MACROD2: variants seen among roughly 807,000 people sequenced by gnomAD.
MACROD2 encodes the protein mono-ADP ribosylhydrolase 2.
A neutral mutation model predicts 70.4 loss-of-function variants in MACROD2; 36 were observed. The observed-to-expected ratio is 0.51, with a 90% CI of 0.39 to 0.68. The LOEUF (loss-of-function observed/expected upper bound fraction) is 0.68. Ranked by LOEUF, MACROD2 falls within the 30% of genes least tolerant of loss-of-function variation. MACROD2 has a pLI of 0.00. For missense variants in MACROD2, 496 were observed against 538.4 expected, an observed-to-expected ratio of 0.92 and a Z score of 0.78; for synonymous variants, 172 against 178.8, an observed-to-expected ratio of 0.96 and a Z score of 0.30.
At chr20:14,511,683 A>AAG (rs10667451) in intron 4 of MACROD2, among the ~76,000 whole-genome samples, 124,540 of 151,770 alleles carry the variant, frequency 0.82, 51,513 homozygotes, top group East Asian at 1. Context: ...GTTTAGGAAA[A>AAG]GACAACCCTA....
At chr20:14,462,304 A>G (rs1248017345) in intron 3 of MACROD2, among the ~76,000 whole-genome samples, 1 of 151,928 alleles carries the variant, frequency 6.6e-6, no homozygotes, top group African/African-American at 2.4e-5. Flanking sequence ...GCATTTTTTC[A>G]TGTGTTTTTT....
chr20:14,752,195 G>T (rs1047134543), intron 5 of MACROD2, among the ~76,000 whole-genome samples: 1 of 149,586 alleles, frequency 6.7e-6, no homozygotes, highest in African/African-American at 2.5e-5. Context: ...TGTTCCCTTA[G>T]TTTCAAAACC....
intron 3 of MACROD2, among the ~76,000 whole-genome samples, chr20:14,121,515 C>G (rs536093690): frequency 6.6e-6 from 1 of 152,206 alleles, no homozygotes; most frequent in South Asian, 2.1e-4. Context: ...GACTCCTTGT[C>G]TTTTCTGTGG....
chr20:15,347,855 G>A (rs1003364223), intron 6 of MACROD2, among the ~76,000 whole-genome samples: 4 of 152,150 alleles, frequency 2.6e-5, no homozygotes, highest in Admixed American at 2.6e-4. Context: ...TTGAATGAAA[G>A]AATGAATAAG....
Position 15,627,656 on chromosome 20 carries a change from G to A in MACROD2, c.645+127809G>A, listed in dbSNP as rs1212729564. Among the ~76,000 whole-genome samples, 3 of 152,204 alleles carry A rather than the reference G, an allele frequency of 2.0e-5. No individual in the cohort carries two copies. In the East Asian group the frequency reaches 5.8e-4, roughly 29 times the overall value. The stretch of plus-strand genomic sequence containing the variant: ...GCAAGGTTGGTGGGGGCCAGGTGGA[G>A]TCATGGGTATCAGACCTGCAAAAAA... On this transcript the variant is annotated intron_variant, in intron 8 of 17. Transcript: ENST00000684519.
intron 7 of MACROD2, among the ~76,000 whole-genome samples, chr20:15,458,611 G>GT (rs1357744217): frequency 4.3e-5 from 6 of 139,736 alleles, no homozygotes; most frequent in Admixed American, 7.1e-5. Flanking sequence ...GCAATGAACT[G>GT]TTTTTTTGTT....
chr20:15,351,237 G>T (rs1043698458), intron 6 of MACROD2, among the ~76,000 whole-genome samples: 1 of 152,146 alleles, frequency 6.6e-6, no homozygotes, highest in Non-Finnish European at 1.5e-5. Context: ...AAGGCTGGTT[G>T]TTGCCATAGG....
chr20:14,862,644 T>TATATATACAA (rs1299865896), intron 5 of MACROD2, among the ~76,000 whole-genome samples: 1 of 9,972 alleles, frequency 1.0e-4, no homozygotes, highest in African/African-American at 3.3e-4. Flanking sequence ...TATATATAAA[T>TATATATACAA]ATATATATAT....
At chr20:14,844,090 G>T (rs925033159) in intron 5 of MACROD2, among the ~76,000 whole-genome samples, 3 of 152,012 alleles carry the variant, frequency 2.0e-5, no homozygotes, top group Middle Eastern at 6.4e-3. Flanking sequence ...CCACCTCATG[G>T]TTCACTCACA....
intron 3 of MACROD2, among the ~76,000 whole-genome samples, chr20:14,395,162 A>G (rs1336110586): frequency 1.3e-5 from 2 of 151,824 alleles, no homozygotes; most frequent in Non-Finnish European, 2.9e-5. Context: ...TATTGGTATT[A>G]TTTTCTCTTA....
At chr20:14,035,743 C>G (rs1401621122) in intron 2 of MACROD2, among the ~76,000 whole-genome samples, 3 of 152,198 alleles carry the variant, frequency 2.0e-5, no homozygotes, top group African/African-American at 7.2e-5. Flanking sequence ...CAAACCTTTA[C>G]ATTTCTTTCC....
chr20:15,862,543 A>C (rs979303449), intron 8 of MACROD2, among the ~76,000 whole-genome samples: 1 of 152,044 alleles, frequency 6.6e-6, no homozygotes, highest in Non-Finnish European at 1.5e-5. Flanking sequence ...GTTTATTTAT[A>C]TACAGAGTAC....
intron 5 of MACROD2, among the ~76,000 whole-genome samples, chr20:15,097,563 A>T (rs2075843149): frequency 6.6e-6 from 1 of 152,198 alleles, no homozygotes; most frequent in South Asian, 2.1e-4. Context: ...CGTAAGAGTA[A>T]TGTCCAAATA....
chr20:15,673,753 T>A (rs2050015078), intron 8 of MACROD2, among the ~76,000 whole-genome samples: 1 of 150,900 alleles, frequency 6.6e-6, no homozygotes, highest in Admixed American at 6.7e-5. Context: ...GGTATAATAC[T>A]TTAGATTACT....
intron 5 of MACROD2, among the ~76,000 whole-genome samples, chr20:14,780,586 A>G (rs6110430): frequency 6.7e-6 from 1 of 148,872 alleles, no homozygotes; most frequent in African/African-American, 2.5e-5. Context: ...AAAAGTGAAA[A>G]CTCATTATTC....
intron 4 of MACROD2, among the ~76,000 whole-genome samples, chr20:14,551,926 T>C (rs1978676464): frequency 6.6e-6 from 1 of 152,146 alleles, no homozygotes; most frequent in Non-Finnish European, 1.5e-5. Context: ...ATTTTGAAGG[T>C]AAAACTCTAC....
chr20:15,973,794 A>G (rs2066265720), intron 13 of MACROD2, among the ~76,000 whole-genome samples: 1 of 152,216 alleles, frequency 6.6e-6, no homozygotes, highest in African/African-American at 2.4e-5. Context: ...TTCTATTTGA[A>G]CCAATCTATT....
intron 5 of MACROD2, among the ~76,000 whole-genome samples, chr20:14,792,914 T>C (rs1386610863): frequency 6.6e-6 from 1 of 152,122 alleles, no homozygotes; most frequent in Non-Finnish European, 1.5e-5. Flanking sequence ...TGCAAATATT[T>C]ACCGAGAAGC....
chr20:15,138,998 T>C (rs1333702347), intron 5 of MACROD2, among the ~76,000 whole-genome samples: 1 of 152,180 alleles, frequency 6.6e-6, no homozygotes, highest in East Asian at 1.9e-4. Flanking sequence ...GTATCAGAAT[T>C]GTACCGTAAA....
Sources: gnomAD v4.1 joint callset for allele counts (sites outside exome capture counted in the v4.1 genomes callset) on GRCh38, gnomAD v4.1.1 for gene constraint, MANE v1.5 for transcripts, NCBI Gene and HGNC (gene_info 2026-07-23, HGNC 2026-07-21) for gene names.